The following EYA3 variants were observed in gnomAD, a reference collection of about 807,000 sequenced individuals.
EYA3 encodes the protein protein phosphatase EYA3.
In EYA3, 39 loss-of-function variants were observed where a neutral mutation model predicts 80.0. The ratio of observed to expected loss-of-function variants is 0.49; its 90% confidence interval spans 0.38 to 0.64. EYA3 has a LOEUF of 0.64. Ranked by LOEUF, EYA3 falls within the 30% of genes least tolerant of loss-of-function variation. The pLI, the probability that EYA3 is intolerant of heterozygous loss-of-function variation, is 0.00. For missense variants in EYA3, 523 were observed against 676.1 expected, an observed-to-expected ratio of 0.77 and a Z score of 2.51; for synonymous variants, 206 against 232.8, an observed-to-expected ratio of 0.88 and a Z score of 1.05.
intron 2 of EYA3, among the ~76,000 whole-genome samples, chr1:28,055,411 G>A (rs1369873228): frequency 6.7e-6 from 1 of 150,116 alleles, no homozygotes; most frequent in Non-Finnish European, 1.5e-5. Context: ...AAGGGAAAGT[G>A]AAAGAATCTG....
rs1228604376 is a variant in EYA3, at chr1:27,974,171, A to T, written c.*295T>A. 9.5e-6 allele frequency: 2 copies of T among 211,370 alleles called. No individual in the cohort carries two copies. Among genetic ancestry groups the T allele is most frequent in the African/African-American group, 4.5e-5 (2 of 44,138 alleles). 13.1% of individuals were successfully genotyped at this position (211,370 alleles called of 1,614,324 possible). A position where few individuals can be genotyped will look rare whatever the true frequency, so the allele number is the denominator to read the frequency against. On this transcript the variant is annotated 3_prime_UTR_variant, in exon 18 of 18. Coordinates refer to ENST00000373871, the MANE Select transcript of EYA3 (RefSeq NM_001990.4). ...TCCAACTGTCCCTGCTTCTGTATGG[A>T]GATGAACACGGGGCTGCAGCTCACT... is the stretch of plus-strand genomic sequence containing the variant.
Position 27,985,707 on chromosome 1 carries a change from G to A in EYA3, c.1540+2828C>T, listed in dbSNP as rs139873069. On this transcript the variant is annotated intron_variant, in intron 16 of 17. Transcript: ENST00000373871. The stretch of plus-strand genomic sequence containing the variant: ...AGCGATGCTCCTGCCTCAGCCTCCC[G>A]AGTAACTGTGATTACAGGCGCCTGC... Among the ~76,000 whole-genome samples the A allele has an allele frequency of 7.1e-3, 1,074 of 152,108 alleles. 8 individuals carry two copies. The highest frequency in any genetic ancestry group is 0.041 in the Middle Eastern group (12 of 294).
chr1:28,067,456 T>C (rs556800554), intron 1 of EYA3, among the ~76,000 whole-genome samples: 133 of 152,336 alleles, frequency 8.7e-4, no homozygotes, highest in African/African-American at 3.1e-3. Flanking sequence ...AATACATATT[T>C]TTAAATGCTT....
At chr1:28,006,254 TTAATAGAACAGA>T (rs1438430838) in intron 10 of EYA3, among the ~76,000 whole-genome samples, 3 of 152,052 alleles carry the variant, frequency 2.0e-5, no homozygotes, top group Admixed American at 6.6e-5. Context: ...ATGCATCACA[TTAATAGAACAGA>T]GGGGGAAAAA....
chr1:28,069,595 T>G (rs898689833), intron 1 of EYA3, among the ~76,000 whole-genome samples: 3,002 of 70,250 alleles, frequency 0.043, no homozygotes, highest in Middle Eastern at 0.067. Context: ...AAAAAGAGGG[T>G]GGGAGGGAAA....
At position 27,971,614 on chromosome 1, in the gene EYA3, AAAAAAAAAAAAAAAG is replaced by A. The variant is rs894570660; in HGVS notation, c.*2837_*2851del. 7 of 147,824 alleles carry A rather than the reference AAAAAAAAAAAAAAAG, an allele frequency of 4.7e-5. No individual in the cohort carries two copies. Among genetic ancestry groups the A allele is most frequent in the African/African-American group, 1.5e-4 (6 of 39,148 alleles). 9.2% of individuals were successfully genotyped at this position (147,824 alleles called of 1,614,324 possible). A position where few individuals can be genotyped will look rare whatever the true frequency, so the allele number is the denominator to read the frequency against. ...ATCTCAACAACAACAACAAAAAAAA[AAAAAAAAAAAAAAAG>A]AGAACCCACCATGCCCAGCTAGGGA... On this transcript the variant is annotated 3_prime_UTR_variant, in exon 18 of 18. Transcript: ENST00000373871.
chr1:28,032,675 C>T (rs1643217993), intron 6 of EYA3, among the ~76,000 whole-genome samples: 1 of 152,122 alleles, frequency 6.6e-6, no homozygotes, highest in Non-Finnish European at 1.5e-5. Flanking sequence ...CTTCTAATCC[C>T]CTTTCTGCCA....
intron 1 of EYA3, among the ~76,000 whole-genome samples, chr1:28,078,185 T>C (rs1157925039): frequency 6.6e-6 from 1 of 152,142 alleles, no homozygotes; most frequent in African/African-American, 2.4e-5. Flanking sequence ...CCACTTAAGT[T>C]TTCCCAAATA....
At chr1:27,994,117 T>C (rs1571738943) in intron 13 of EYA3, among the ~76,000 whole-genome samples, 1 of 152,212 alleles carries the variant, frequency 6.6e-6, no homozygotes, top group African/African-American at 2.4e-5. Context: ...CCCTTGGGTA[T>C]GGACTATACT....
rs903385629 is a variant in EYA3, at chr1:27,971,656, G to C, written c.*2810C>G. 6.7e-6 allele frequency: 1 copy of C among 149,738 alleles called. No homozygotes were observed. Among genetic ancestry groups the C allele is most frequent in the African/African-American group, 2.5e-5 (1 of 40,488 alleles). The allele number at this position is 149,738 out of a possible 1,614,324, so 9.3% of individuals were successfully genotyped here. A position where few individuals can be genotyped will look rare whatever the true frequency, so the allele number is the denominator to read the frequency against. On this transcript the variant is annotated 3_prime_UTR_variant, in exon 18 of 18. Coordinates refer to ENST00000373871, the MANE Select transcript of EYA3 (RefSeq NM_001990.4). Reference sequence around the variant, plus strand: ...GAACCCACCATGCCCAGCTAGGGAAGGACTCATCATTTGGCTAATTTCATG... The same window carrying C: ...GAACCCACCATGCCCAGCTAGGGAACGACTCATCATTTGGCTAATTTCATG...
At chr1:28,003,460 ACTCT>A (rs1045711385) in intron 11 of EYA3, among the ~76,000 whole-genome samples, 1 of 151,234 alleles carries the variant, frequency 6.6e-6, no homozygotes, top group African/African-American at 2.4e-5. Context: ...CAAGAGCAAG[ACTCT>A]CTCTCAAAAA....
chr1:28,075,108 C>G (rs1031632799), intron 1 of EYA3, among the ~76,000 whole-genome samples: 1 of 152,138 alleles, frequency 6.6e-6, no homozygotes, highest in African/African-American at 2.4e-5. Context: ...CCTTCCTTAG[C>G]CTTTACTTCT....
At chr1:28,056,070 T>C (rs186320098) in intron 2 of EYA3, among the ~76,000 whole-genome samples, 8 of 152,310 alleles carry the variant, frequency 5.3e-5, no homozygotes, top group Admixed American at 3.3e-4. Context: ...TGTGTTTTCA[T>C]AGATTCTGTA....
chr1:28,013,116 G>C lies in EYA3; in HGVS notation c.764C>G (p.Ser255Cys). ...TTCAGAGCTGCGGTGCTTACCAGAGGAAAGTCTCTGTGCTGCAGGTGCAGG... is the reference window on the plus strand; with the variant it reads ...TTCAGAGCTGCGGTGCTTACCAGAGCAAAGTCTCTGTGCTGCAGGTGCAGG... ...MAPAPAAQRLSSGDPSTSPSL... is the reference protein window; with the variant it reads ...MAPAPAAQRLCSGDPSTSPSL... The change falls in exon 9 of 18, where the codon TCC becomes TGC. Residue 255 changes from serine (S) to cysteine (C), a missense_variant. Physicochemically the swap from Ser to Cys is moderately radical, Grantham distance 112. Coordinates refer to ENST00000373871, the MANE Select transcript of EYA3 (RefSeq NM_001990.4). The surrounding 1 kb of genome is among the most constrained non-coding windows in gnomAD (Gnocchi z 4.0). 8 of 1,611,752 alleles carry C rather than the reference G, an allele frequency of 5.0e-6. No homozygotes were observed. Among genetic ancestry groups the C allele is most frequent in the Non-Finnish European group, 6.8e-6 (8 of 1,179,340 alleles).
rs1166697248 is a variant in EYA3, at chr1:27,973,860, A to C, written c.*606T>G. 1 of 152,220 alleles carries C rather than the reference A, an allele frequency of 6.6e-6. No individual in the cohort carries two copies. Among genetic ancestry groups the C allele is most frequent in the Admixed American group, 6.5e-5 (1 of 15,286 alleles). The allele number at this position is 152,220 out of a possible 1,614,324, so 9.4% of individuals were successfully genotyped here. The stretch of plus-strand genomic sequence containing the variant: ...AAAGAAAGTGGGGGAAACCTGCGTC[A>C]AAGATCAGACCCTTACCTATAAAAA... On this transcript the variant is annotated 3_prime_UTR_variant, in exon 18 of 18. Transcript: ENST00000373871.
chr1:28,078,464 T>C (rs1335703554), intron 1 of EYA3, among the ~76,000 whole-genome samples: 3 of 152,246 alleles, frequency 2.0e-5, no homozygotes, highest in African/African-American at 7.2e-5. Flanking sequence ...GAGTTGATAC[T>C]ATTAATAGCA....
chr1:28,053,153 C>CAAAAAAAAAAAAAAAAAAAAAAA (rs34075939), intron 2 of EYA3, among the ~76,000 whole-genome samples: 1 of 72,526 alleles, frequency 1.4e-5, no homozygotes, highest in Non-Finnish European at 2.5e-5. Context: ...GACCCCGTCT[C>CAAAAAAAAAAAAAAAAAAAAAAA]AAAAAAAAAA....
rs950362862 is a variant in EYA3, at chr1:27,971,651, G to T, written c.*2815C>A. On this transcript the variant is annotated 3_prime_UTR_variant, in exon 18 of 18. Transcript: ENST00000373871. ...AAAGAGAACCCACCATGCCCAGCTA[G>T]GGAAGGACTCATCATTTGGCTAATT... 6 of 150,354 alleles carry T rather than the reference G, an allele frequency of 4.0e-5. No individual in the cohort carries two copies. The highest frequency in any genetic ancestry group is 7.4e-5 in the Non-Finnish European group (5 of 67,820). 9.3% of individuals were successfully genotyped at this position (150,354 alleles called of 1,614,324 possible).
At chr1:28,001,010 A>G (rs1640797101) in intron 11 of EYA3, among the ~76,000 whole-genome samples, 1 of 152,132 alleles carries the variant, frequency 6.6e-6, no homozygotes, top group South Asian at 2.1e-4. Context: ...GGTTGCAGTA[A>G]GCTGAGACTG....
Sources: allele counts gnomAD v4.1 joint callset (sites outside exome capture counted in the v4.1 genomes callset), GRCh38; gene constraint gnomAD v4.1.1; non-coding constraint Gnocchi (gnomAD v3.1); transcripts MANE v1.5; gene names NCBI Gene and HGNC (gene_info 2026-07-23, HGNC 2026-07-21).